Variants in REC114 observed in about 807,000 individuals in gnomAD.
REC114 encodes REC114 meiotic recombination protein.
A neutral mutation model predicts 31.3 loss-of-function variants in REC114; 27 were observed. The observed-to-expected ratio is 0.86, with a 90% CI of 0.64 to 1.19. The LOEUF is 1.19. Ranked by LOEUF, REC114 falls within the 50% of genes most tolerant of loss-of-function variation. REC114 has a pLI of 0.00. For missense variants in REC114, 344 were observed against 326.9 expected (o/e 1.05, Z -0.40); for synonymous variants, 134 against 127.7 (o/e 1.05, Z -0.33).
intron 2 of REC114, among the ~76,000 whole-genome samples, chr15:73,520,578 T>A (rs891374722): frequency 1.3e-5 from 2 of 152,108 alleles, no homozygotes; most frequent in Non-Finnish European, 2.9e-5. Context: ...GCAAGGGGTT[T>A]TCAGGGGTTG....
chr15:73,538,734 C>T (rs1394246384), intron 2 of REC114, among the ~76,000 whole-genome samples: 5 of 152,000 alleles, frequency 3.3e-5, no homozygotes, highest in Non-Finnish European at 4.4e-5. Flanking sequence ...GAATTACAGG[C>T]GTGAGCCACC....
intron 2 of REC114, among the ~76,000 whole-genome samples, chr15:73,495,823 T>G (rs1191612190): frequency 6.6e-6 from 1 of 152,142 alleles, no homozygotes; most frequent in Admixed American, 6.5e-5. Flanking sequence ...TTGTTATTTT[T>G]TATATCACTA....
At position 73,498,471 on chromosome 15, in the gene REC114, C is replaced by T. The variant is rs1893558215; in HGVS notation, c.249+24550C>T. Among the ~76,000 whole-genome samples, 3 of 152,186 alleles carry T rather than the reference C, an allele frequency of 2.0e-5. No individual in the cohort carries two copies. The South Asian group carries it at 6.2e-4, about 32-fold the overall frequency. On this transcript the variant is annotated intron_variant, in intron 2 of 5. Coordinates refer to ENST00000331090, the MANE Select transcript of REC114 (RefSeq NM_001042367.2). ...GGGCAAAAAATAGTAGACTAAACTG[C>T]TAAGTAGGTCGACCTGCCTGAGCAC...
At chr15:73,507,245 T>C (rs1304678612) in intron 2 of REC114, among the ~76,000 whole-genome samples, 2 of 152,238 alleles carry the variant, frequency 1.3e-5, no homozygotes, top group African/African-American at 4.8e-5. Context: ...ATATCACATA[T>C]ACATTTTTGC....
intron 1 of REC114, among the ~76,000 whole-genome samples, chr15:73,452,877 T>C (rs1260656106): frequency 6.6e-6 from 1 of 152,118 alleles, no homozygotes; most frequent in African/African-American, 2.4e-5. Context: ...AAACAAGCAA[T>C]GGGAAAAGGA....
chr15:73,464,024 G>T (rs1338433498), intron 1 of REC114, among the ~76,000 whole-genome samples: 1 of 152,032 alleles, frequency 6.6e-6, no homozygotes, highest in Non-Finnish European at 1.5e-5. Context: ...TGCAGTTGTA[G>T]AATATTTCAT....
intron 2 of REC114, among the ~76,000 whole-genome samples, chr15:73,479,797 A>G (rs1893267682): frequency 6.6e-6 from 1 of 152,170 alleles, no homozygotes; most frequent in Non-Finnish European, 1.5e-5. Flanking sequence ...ATGTGTGTAT[A>G]TGTACCTATA....
At chr15:73,447,416 A>G (rs566462253) in intron 1 of REC114, among the ~76,000 whole-genome samples, 1 of 152,262 alleles carries the variant, frequency 6.6e-6, no homozygotes, top group South Asian at 2.1e-4. Context: ...AAGAAGACTG[A>G]TAAGAGGCCT....
At chr15:73,529,549 T>C (rs765983772) in intron 2 of REC114, among the ~76,000 whole-genome samples, 16 of 152,146 alleles carry the variant, frequency 1.1e-4, no homozygotes, top group Non-Finnish European at 2.1e-4. Context: ...TAAAATAAGA[T>C]TGGCCATGTT....
rs927611511 is a variant in REC114, at chr15:73,520,213, C to CT, written c.250-20262dup. On this transcript the variant is annotated intron_variant, in intron 2 of 5. Transcript: ENST00000331090. ...TGGTCCTTATGGACTAATTGTATCT[C>CT]TTTTTTTTTTCGTTTTGGGTTTTTT... is the stretch of plus-strand genomic sequence containing the variant. Among the ~76,000 whole-genome samples the CT allele has an allele frequency of 8.9e-4, 132 of 147,734 alleles. 2 individuals are homozygous for CT. The highest frequency in any genetic ancestry group is 1.6e-3 in the Non-Finnish European group (106 of 66,586).
Position 73,544,520 on chromosome 15 carries a change from T to C in REC114, c.333+3952T>C, listed in dbSNP as rs556077616. Among the ~76,000 whole-genome samples, 4 of 152,280 alleles carry C rather than the reference T, an allele frequency of 2.6e-5. No individual in the cohort carries two copies. The South Asian group carries it at 8.3e-4, about 32-fold the overall frequency. On this transcript the variant is annotated intron_variant, in intron 3 of 5. Transcript: ENST00000331090. The stretch of plus-strand genomic sequence containing the variant: ...GAATAAATTCTGCCTACTTATAAGG[T>C]AGGCTTCCCTTTTTCCAGCAATTCT...
intron 4 of REC114, among the ~76,000 whole-genome samples, chr15:73,554,284 C>T (rs1235037867): frequency 6.6e-6 from 1 of 152,062 alleles, no homozygotes; most frequent in Admixed American, 6.6e-5. Context: ...TAAGGTTTGC[C>T]CTTAACTCTG....
At chr15:73,508,690 C>T (rs1287881965) in intron 2 of REC114, among the ~76,000 whole-genome samples, 94 of 144,210 alleles carry the variant, frequency 6.5e-4, no homozygotes, top group African/African-American at 2.1e-3. Flanking sequence ...TGAGAATATG[C>T]GGTGTTTGGT....
intron 2 of REC114, among the ~76,000 whole-genome samples, chr15:73,521,697 A>G (rs1595876702): frequency 1.3e-5 from 2 of 152,184 alleles, no homozygotes; most frequent in South Asian, 4.1e-4. Context: ...TCATCTTTAT[A>G]TCATGTATTT....
Position 73,481,693 on chromosome 15 carries a change from CT to C in REC114, c.249+7773del, listed in dbSNP as rs1169988974. On this transcript the variant is annotated intron_variant, in intron 2 of 5. Coordinates refer to ENST00000331090, the MANE Select transcript of REC114 (RefSeq NM_001042367.2). ...TTTTTTTTTGAGGCGGAGTCTCACT[CT>C]GTCGCCTAGGCTGGAGTGCAGTGGA... Among the ~76,000 whole-genome samples the C allele has an allele frequency of 3.0e-4, 36 of 119,326 alleles. 1 individual carries two copies. Among genetic ancestry groups the C allele is most frequent in the Admixed American group, 2.6e-3 (24 of 9,114 alleles). The allele number at this position is 119,326 out of a possible 152,430, so 78.3% of individuals were successfully genotyped here. A position where few individuals can be genotyped will look rare whatever the true frequency, so the allele number is the denominator to read the frequency against.
chr15:73,490,797 C>A (rs919716547), intron 2 of REC114, among the ~76,000 whole-genome samples: 1 of 151,776 alleles, frequency 6.6e-6, no homozygotes, highest in African/African-American at 2.4e-5. Context: ...ATGAACATTT[C>A]TTTCATTCCT....
intron 2 of REC114, among the ~76,000 whole-genome samples, chr15:73,489,755 A>C (rs75006263): frequency 0.069 from 10,500 of 151,742 alleles, 458 homozygotes; most frequent in African/African-American, 0.11. Context: ...CAGAAAAAAA[A>C]AAAACAAAAC....
chr15:73,531,942 T>C (rs541873639), intron 2 of REC114, among the ~76,000 whole-genome samples: 42 of 152,198 alleles, frequency 2.8e-4, no homozygotes, highest in African/African-American at 9.6e-4. Flanking sequence ...TCTTGTTCTT[T>C]TGTCTGATGG....
At chr15:73,541,611 T>G (rs1894237787) in intron 3 of REC114, among the ~76,000 whole-genome samples, 1 of 152,228 alleles carries the variant, frequency 6.6e-6, no homozygotes, top group Non-Finnish European at 1.5e-5. Context: ...CACAGGGATC[T>G]GGAGCACACA....
Sources: allele counts gnomAD v4.1 joint callset (sites outside exome capture counted in the v4.1 genomes callset), GRCh38; gene constraint gnomAD v4.1.1; transcripts MANE v1.5; gene names NCBI Gene and HGNC (gene_info 2026-07-23, HGNC 2026-07-21).